The following CREB5 variants were observed in gnomAD, a reference collection of about 807,000 sequenced individuals.
The protein encoded by CREB5 is cAMP responsive element binding protein 5, also known as cyclic AMP-responsive element-binding protein 5.
A neutral mutation model predicts 57.1 loss-of-function variants in CREB5; 19 were observed. The ratio of observed to expected loss-of-function variants is 0.33; its 90% confidence interval spans 0.23 to 0.49. The LOEUF is 0.49. CREB5 is among the 20% of genes least tolerant of loss of function. CREB5 has a pLI of 0.99. For missense variants in CREB5, 579 were observed against 671.6 expected, an observed-to-expected ratio of 0.86 and a Z score of 1.52; for synonymous variants, 238 against 238.3, an observed-to-expected ratio of 1.00 and a Z score of 0.01.
chr7:28,430,538 T>C (rs1262501087), intron 1 of CREB5, among the ~76,000 whole-genome samples: 2 of 152,224 alleles, frequency 1.3e-5, no homozygotes, highest in African/African-American at 4.8e-5. Context: ...GCCGTTATGA[T>C]TGATGTAGCA....
At chr7:28,469,972 T>C (rs12669326) in intron 1 of CREB5, among the ~76,000 whole-genome samples, 27,229 of 152,154 alleles carry the variant, frequency 0.18, 2,522 homozygotes, top group East Asian at 0.19. Flanking sequence ...ACTTATGGGG[T>C]ACATGAGATA....
At chr7:28,572,135 A>G (rs1562804872) in intron 5 of CREB5, among the ~76,000 whole-genome samples, 1 of 152,182 alleles carries the variant, frequency 6.6e-6, no homozygotes. Context: ...TTTTCAACTT[A>G]CCAGGAATGG....
chr7:28,451,405 G>T (rs1019560417), intron 1 of CREB5, among the ~76,000 whole-genome samples: 7 of 151,460 alleles, frequency 4.6e-5, no homozygotes, highest in African/African-American at 1.5e-4. Context: ...AATGAATCTG[G>T]ATTCTAGCCA....
chr7:28,483,860 T>A (rs1426967204), intron 1 of CREB5, among the ~76,000 whole-genome samples: 1 of 152,226 alleles, frequency 6.6e-6, no homozygotes. Flanking sequence ...ATTTCTTCTC[T>A]GGCCATAACT....
At chr7:28,735,587 A>G (rs1803929456) in intron 7 of CREB5, among the ~76,000 whole-genome samples, 2 of 152,192 alleles carry the variant, frequency 1.3e-5, no homozygotes, top group African/African-American at 4.8e-5. Context: ...AGTGTTATTA[A>G]TGGAGTATTC....
At chr7:28,504,299 A>G (rs985752088) in intron 3 of CREB5, among the ~76,000 whole-genome samples, 4 of 152,222 alleles carry the variant, frequency 2.6e-5, no homozygotes, top group Non-Finnish European at 5.9e-5. Flanking sequence ...GCCATAAATT[A>G]AAATTCTTGT....
At chr7:28,799,326 G>A (rs1226208362) in intron 7 of CREB5, among the ~76,000 whole-genome samples, 1 of 152,146 alleles carries the variant, frequency 6.6e-6, no homozygotes, top group African/African-American at 2.4e-5. Flanking sequence ...AAAAAGCTTG[G>A]TTTTATGCAT....
chr7:28,334,745 G>A (rs1305253249), intron 1 of CREB5, among the ~76,000 whole-genome samples: 1 of 152,198 alleles, frequency 6.6e-6, no homozygotes, highest in Non-Finnish European at 1.5e-5. Context: ...TTGGTTGCCA[G>A]TGCTTGTGGG....
intron 1 of CREB5, among the ~76,000 whole-genome samples, chr7:28,439,967 G>A (rs544440854): frequency 2.7e-4 from 41 of 152,292 alleles, no homozygotes; most frequent in African/African-American, 9.4e-4. Flanking sequence ...GAGTGAAGGA[G>A]TAAAGGCAGA....
At chr7:28,457,422 G>A (rs1365792862) in intron 1 of CREB5, among the ~76,000 whole-genome samples, 1 of 152,072 alleles carries the variant, frequency 6.6e-6, no homozygotes, top group South Asian at 2.1e-4. Context: ...GTTCTGCATA[G>A]GGCAGGCAGT....
chr7:28,705,817 C>G (rs1186769476), intron 5 of CREB5, among the ~76,000 whole-genome samples: 1 of 152,140 alleles, frequency 6.6e-6, no homozygotes, highest in Non-Finnish European at 1.5e-5. Context: ...TTATATAAAC[C>G]CCTTGTGGCT....
intron 6 of CREB5, among the ~76,000 whole-genome samples, chr7:28,722,766 A>G (rs748421013): frequency 6.6e-6 from 1 of 152,220 alleles, no homozygotes; most frequent in South Asian, 2.1e-4. Context: ...ACATCTGCAC[A>G]CTGCCAGATG....
chr7:28,462,048 G>A (rs1410625336), intron 1 of CREB5, among the ~76,000 whole-genome samples: 1 of 152,026 alleles, frequency 6.6e-6, no homozygotes, highest in African/African-American at 2.4e-5. Context: ...AAGAAACCTT[G>A]TATCAATTAG....
At chr7:28,391,769 C>CT (rs772174264) in intron 1 of CREB5, among the ~76,000 whole-genome samples, 1 of 152,142 alleles carries the variant, frequency 6.6e-6, no homozygotes, top group Non-Finnish European at 1.5e-5. Context: ...CTCCTTTTTC[C>CT]TTTTCTATTT....
intron 1 of CREB5, among the ~76,000 whole-genome samples, chr7:28,457,376 G>A (rs1790143607): frequency 6.6e-6 from 1 of 152,138 alleles, no homozygotes; most frequent in Non-Finnish European, 1.5e-5. Context: ...AGAAACAAGT[G>A]ACTGAAATAA....
chr7:28,796,736 C>T (rs1808065336), intron 7 of CREB5, among the ~76,000 whole-genome samples: 1 of 152,212 alleles, frequency 6.6e-6, no homozygotes, highest in African/African-American at 2.4e-5. Flanking sequence ...TAGTAAACCT[C>T]AACTTGGATC....
At chr7:28,330,401 C>CTTTTT (rs10699932) in intron 1 of CREB5, among the ~76,000 whole-genome samples, 1,095 of 88,218 alleles carry the variant, frequency 0.012, 23 homozygotes, top group African/African-American at 0.025. Context: ...GAGAACCTTA[C>CTTTTT]TTTTTTTTTT....
upstream of CREB5, chr7:28,409,847 C>A (rs1787695958): frequency 2.2e-6 from 1 of 453,148 alleles, no homozygotes; most frequent in Admixed American, 2.4e-5. The surrounding 1 kb of genome is among the most constrained non-coding windows in gnomAD (Gnocchi z 4.4). Context: ...CGCGCGAGTC[C>A]CCTGACGCGG....
At chr7:28,537,066 T>G (rs1222331756) in intron 4 of CREB5, among the ~76,000 whole-genome samples, 3 of 152,242 alleles carry the variant, frequency 2.0e-5, no homozygotes, top group African/African-American at 7.2e-5. Flanking sequence ...CACAGTCATC[T>G]TCAAGATGGG....
Sources: allele counts gnomAD v4.1 joint callset (sites outside exome capture counted in the v4.1 genomes callset), GRCh38; gene constraint gnomAD v4.1.1; non-coding constraint Gnocchi (gnomAD v3.1); transcripts MANE v1.5; gene names NCBI Gene and HGNC (gene_info 2026-07-23, HGNC 2026-07-21).